XRCC4: variants seen among roughly 807,000 people sequenced by gnomAD.
The protein encoded by XRCC4 is DNA repair protein XRCC4.
In XRCC4, 28 loss-of-function variants were observed where a neutral mutation model predicts 39.1. The ratio of observed to expected loss-of-function variants is 0.72; its 90% CI spans 0.53 to 0.98. The LOEUF is 0.98. Ranked by LOEUF, XRCC4 falls within the 50% of genes least tolerant of loss-of-function variation. The pLI is 0.00. For synonymous variants in XRCC4, 123 were observed against 126.4 expected (o/e 0.97, Z 0.18); for missense variants, 350 against 376.4 (o/e 0.93, Z 0.58).
intron 3 of XRCC4, among the ~76,000 whole-genome samples, chr5:83,146,907 T>C (rs1254429292): frequency 1.3e-5 from 2 of 152,220 alleles, no homozygotes; most frequent in African/African-American, 4.8e-5. Context: ...TTTAGTCCAC[T>C]GTGAAATGTT....
intron 3 of XRCC4, among the ~76,000 whole-genome samples, chr5:83,124,100 A>C (rs1747143317): frequency 6.6e-6 from 1 of 152,008 alleles, no homozygotes; most frequent in African/African-American, 2.4e-5. Flanking sequence ...CTGTACACAG[A>C]TTTTATCAGT....
the XRCC4 span, among the ~76,000 whole-genome samples, chr5:83,362,294 CAA>C: frequency 0.17 from 12,160 of 73,324 alleles, 656 homozygotes; most frequent in East Asian, 0.42. Context: ...GCTATTTAGG[CAA>C]AAAAAAAAAA....
At chr5:83,343,008 TA>T (rs1208071072) in intron 7 of XRCC4, among the ~76,000 whole-genome samples, 1 of 152,128 alleles carries the variant, frequency 6.6e-6, no homozygotes, top group Non-Finnish European at 1.5e-5. Flanking sequence ...GGCTGTTTTT[TA>T]AGGTCATTTC....
intron 3 of XRCC4, among the ~76,000 whole-genome samples, chr5:83,183,453 T>TGG (rs1561387180): frequency 8.7e-5 from 12 of 138,546 alleles, no homozygotes; most frequent in South Asian, 4.8e-4. Flanking sequence ...TGTGTGTGTG[T>TGG]GGCACATCAA....
chr5:83,078,323 A>G (rs1431859912), intron 1 of XRCC4, among the ~76,000 whole-genome samples: 2 of 152,238 alleles, frequency 1.3e-5, no homozygotes, highest in Non-Finnish European at 2.9e-5. Context: ...TAGTTCTTGG[A>G]ATTCTAATAA....
intron 2 of XRCC4, among the ~76,000 whole-genome samples, chr5:83,109,726 T>A (rs1378760597): frequency 2.6e-5 from 4 of 151,972 alleles, no homozygotes; most frequent in Non-Finnish European, 5.9e-5. Flanking sequence ...TGTAGATTCA[T>A]GGAATATCTG....
intron 7 of XRCC4, among the ~76,000 whole-genome samples, chr5:83,294,861 T>C (rs2112985246): frequency 6.6e-6 from 1 of 152,126 alleles, no homozygotes; most frequent in African/African-American, 2.4e-5. Context: ...CTTTTTAAAG[T>C]GTGATTTTAT....
intron 4 of XRCC4, chr5:83,201,089 T>C (rs1374932410): frequency 6.6e-6 from 1 of 152,218 alleles, no homozygotes; most frequent in African/African-American, 2.4e-5. Context: ...TGAAAAACAT[T>C]ACTTTTACAA....
intron 7 of XRCC4, among the ~76,000 whole-genome samples, chr5:83,294,715 A>G (rs1052748868): frequency 6.6e-6 from 1 of 152,186 alleles, no homozygotes; most frequent in South Asian, 2.1e-4. Context: ...AAGATCATGT[A>G]TCAAAAATAA....
At chr5:83,262,424 T>A (rs912850274) in intron 7 of XRCC4, among the ~76,000 whole-genome samples, 1 of 152,084 alleles carries the variant, frequency 6.6e-6, no homozygotes, top group African/African-American at 2.4e-5. Flanking sequence ...GGAATGGATT[T>A]GGGGCATTTT....
chr5:83,255,216 G>A (rs1185345336), intron 6 of XRCC4, among the ~76,000 whole-genome samples: 1 of 152,108 alleles, frequency 6.6e-6, no homozygotes, highest in Non-Finnish European at 1.5e-5. Flanking sequence ...GGATAGAATG[G>A]ATTGTTTTTG....
At chr5:83,308,956 A>G (rs1342353754) in intron 7 of XRCC4, among the ~76,000 whole-genome samples, 3 of 152,054 alleles carry the variant, frequency 2.0e-5, no homozygotes, top group Non-Finnish European at 4.4e-5. Flanking sequence ...CACAGCAAGG[A>G]ACAAATCCTT....
chr5:83,103,715 C>T (rs1478139375), intron 1 of XRCC4, among the ~76,000 whole-genome samples: 1 of 152,194 alleles, frequency 6.6e-6, no homozygotes, highest in Non-Finnish European at 1.5e-5. Flanking sequence ...GACTACTATA[C>T]TGCCCTGAAA....
chr5:83,114,177 C>T (rs554978647), intron 3 of XRCC4, among the ~76,000 whole-genome samples: 5 of 152,236 alleles, frequency 3.3e-5, no homozygotes, highest in East Asian at 1.9e-4. Flanking sequence ...CTGTTTTTAC[C>T]GCCTAGGCCT....
intron 1 of XRCC4, among the ~76,000 whole-genome samples, chr5:83,079,997 A>C (rs1286249169): frequency 6.6e-6 from 1 of 152,208 alleles, no homozygotes; most frequent in Non-Finnish European, 1.5e-5. Flanking sequence ...ATGAGTTATT[A>C]CAAGTAAATC....
intron 7 of XRCC4, among the ~76,000 whole-genome samples, chr5:83,261,092 G>T (rs562404700): frequency 6.6e-6 from 1 of 151,352 alleles, no homozygotes; most frequent in South Asian, 2.1e-4. Context: ...TTGAATACAG[G>T]AGACTGAAAT....
rs914135329 is a variant in XRCC4 at position 83,149,915 on chromosome 5, T to C, written c.315+38712T>C. ...TAAACTACTACCACCTAAACAAATATCATCACCAGTTCTGTGACTCAGTGC... is the reference window on the plus strand; with the variant it reads ...TAAACTACTACCACCTAAACAAATACCATCACCAGTTCTGTGACTCAGTGC... On this transcript the variant is annotated intron_variant, in intron 3 of 7. Coordinates refer to ENST00000396027, the MANE Select transcript of XRCC4 (RefSeq NM_003401.5). 4.6e-5 allele frequency among the ~76,000 whole-genome samples: 7 copies of C among 152,210 alleles called. No homozygotes were observed. The East Asian group carries it at 7.7e-4, about 17-fold the overall frequency.
chr5:83,293,868 G>C (rs1366890796), intron 7 of XRCC4, among the ~76,000 whole-genome samples: 1 of 152,022 alleles, frequency 6.6e-6, no homozygotes, highest in Non-Finnish European at 1.5e-5. Context: ...GAACAGAGCA[G>C]ATTGCAAAAG....
chr5:83,372,257 A>T, the XRCC4 span, among the ~76,000 whole-genome samples: 1 of 152,234 alleles, frequency 6.6e-6, no homozygotes, highest in African/African-American at 2.4e-5. Flanking sequence ...AAATGTGCAA[A>T]TTTCCAAAGT....
Sources: gnomAD v4.1 joint callset for allele counts (sites outside exome capture counted in the v4.1 genomes callset) on GRCh38, gnomAD v4.1.1 for gene constraint, MANE v1.5 for transcripts, NCBI Gene and HGNC (gene_info 2026-07-23, HGNC 2026-07-21) for gene names.